The following ERICH1 variants were observed in gnomAD, a reference collection of about 807,000 sequenced individuals.
The protein encoded by ERICH1 is glutamate rich 1.
In ERICH1, 56 loss-of-function variants were observed where a neutral mutation model predicts 39.6. The observed-to-expected ratio is 1.41, with a 90% CI of 1.14 to 1.77. The LOEUF (loss-of-function observed/expected upper bound fraction) is 1.77. ERICH1 is among the 40% of genes most tolerant of loss of function. The pLI is 0.00. For missense variants in ERICH1, 826 were observed against 575.4 expected (o/e 1.44, Z -4.45); for synonymous variants, 313 against 223.6 (o/e 1.40, Z -3.57).
At chr8:657,142 G>A (rs536204054) in intron 3 of ERICH1, among the ~76,000 whole-genome samples, 1 of 152,300 alleles carries the variant, frequency 6.6e-6, no homozygotes, top group East Asian at 1.9e-4. Context: ...AACAATAATG[G>A]TGATAGATAC....
Position 681,427 on chromosome 8 carries a change from G to C in ERICH1, c.305-7380C>G, listed in dbSNP as rs1375356779. 2.6e-5 allele frequency among the ~76,000 whole-genome samples: 4 copies of C among 152,254 alleles called. No homozygotes were observed. In the East Asian group the frequency reaches 7.7e-4, roughly 29 times the overall value. ...CAGGGGTCACAATAATTTGGCAACTGAGAGAAAAAGATGTTTATGAATGAC... is the reference window on the plus strand; with the variant it reads ...CAGGGGTCACAATAATTTGGCAACTCAGAGAAAAAGATGTTTATGAATGAC... On this transcript the variant is annotated intron_variant, in intron 3 of 5. Transcript: ENST00000262109.
intron 3 of ERICH1, chr8:626,109 T>G (rs1797584025): frequency 6.6e-6 from 1 of 152,236 alleles, no homozygotes; most frequent in Admixed American, 6.5e-5. Flanking sequence ...GCCTTCTGTG[T>G]TGAATTTTCT....
chr8:650,883 C>G (rs1799861469), intron 3 of ERICH1, among the ~76,000 whole-genome samples: 1 of 152,208 alleles, frequency 6.6e-6, no homozygotes, highest in Admixed American at 6.5e-5. Context: ...AGTGTGTTAT[C>G]CCAGGAGAGC....
At chr8:627,403 C>T (rs185814438) in intron 3 of ERICH1, among the ~76,000 whole-genome samples, 319 of 152,334 alleles carry the variant, frequency 2.1e-3, no homozygotes, top group African/African-American at 7.5e-3. Flanking sequence ...CACATGCCAA[C>T]TTCAACAAAC....
At chr8:695,128 G>A (rs1809850744) in intron 2 of ERICH1, among the ~76,000 whole-genome samples, 2 of 152,032 alleles carry the variant, frequency 1.3e-5, no homozygotes. Context: ...CTTTCTCCCC[G>A]TCAGGTTCCC....
At chr8:623,275 T>C (rs761457211) in intron 3 of ERICH1, among the ~76,000 whole-genome samples, 4 of 152,216 alleles carry the variant, frequency 2.6e-5, no homozygotes, top group Middle Eastern at 6.8e-3. Flanking sequence ...ACCATATGAA[T>C]AAAGTACAAA....
chr8:663,437 G>A (rs538214179), downstream of ERICH1, among the ~76,000 whole-genome samples: 13 of 152,260 alleles, frequency 8.5e-5, no homozygotes, highest in African/African-American at 3.1e-4. Context: ...GAACATCACC[G>A]TCACCAGGCG....
chr8:728,818 G>A (rs1325309618), intron 1 of ERICH1, among the ~76,000 whole-genome samples: 2 of 152,104 alleles, frequency 1.3e-5, no homozygotes, highest in Non-Finnish European at 2.9e-5. Flanking sequence ...TGCTTCAAAG[G>A]CAATACATTC....
intron 1 of ERICH1, among the ~76,000 whole-genome samples, chr8:726,664 C>A (rs1052322928): frequency 6.6e-6 from 1 of 151,214 alleles, no homozygotes; most frequent in African/African-American, 2.5e-5. Flanking sequence ...AAGTGCCACA[C>A]ACAGACGTGT....
chr8:616,070 G>A (rs912925560), intron 3 of ERICH1: 1 of 161,410 alleles, frequency 6.2e-6, no homozygotes, highest in Non-Finnish European at 1.4e-5. Flanking sequence ...TACACGCCAT[G>A]CCCAGCAATG....
At chr8:672,363 C>A (rs1803628865) in intron 4 of ERICH1, among the ~76,000 whole-genome samples, 1 of 152,192 alleles carries the variant, frequency 6.6e-6, no homozygotes, top group Admixed American at 6.5e-5. Flanking sequence ...GAGGAAGAGG[C>A]TAGAGTGCTC....
intron 2 of ERICH1, among the ~76,000 whole-genome samples, chr8:704,342 C>G (rs1812795577): frequency 6.6e-6 from 1 of 152,140 alleles, no homozygotes; most frequent in African/African-American, 2.4e-5. Flanking sequence ...GGGGGCGGCC[C>G]ATGCTGGGGG....
chr8:657,109 T>G (rs1422768773), intron 3 of ERICH1, among the ~76,000 whole-genome samples: 4 of 152,236 alleles, frequency 2.6e-5, no homozygotes, highest in East Asian at 3.8e-4. Context: ...AAAGGTTGGT[T>G]GCAATGTGGA....
intron 3 of ERICH1, among the ~76,000 whole-genome samples, chr8:680,827 C>T (rs1333707054): frequency 1.3e-5 from 2 of 152,222 alleles, no homozygotes; most frequent in Non-Finnish European, 2.9e-5. Context: ...CGCCCCGCTG[C>T]CCCAGTTCCA....
At chr8:654,825 G>A (rs148632972) in intron 3 of ERICH1, among the ~76,000 whole-genome samples, 22 of 152,218 alleles carry the variant, frequency 1.4e-4, no homozygotes, top group African/African-American at 5.3e-4. Flanking sequence ...ATACACCATG[G>A]GTTTGCCCCA....
At chr8:730,256 A>C (rs1819669148) in intron 1 of ERICH1, among the ~76,000 whole-genome samples, 1 of 152,232 alleles carries the variant, frequency 6.6e-6, no homozygotes, top group Non-Finnish European at 1.5e-5. Context: ...GTGTCCCTGA[A>C]AAGGAAGACT....
chr8:692,919 T>C (rs1398379462), intron 2 of ERICH1, among the ~76,000 whole-genome samples: 1 of 152,230 alleles, frequency 6.6e-6, no homozygotes, highest in African/African-American at 2.4e-5. Context: ...AACTAATTCA[T>C]GAGTATAAAG....
At chr8:623,994 A>G (rs1278591413) in intron 3 of ERICH1, among the ~76,000 whole-genome samples, 1 of 152,246 alleles carries the variant, frequency 6.6e-6, no homozygotes, top group Non-Finnish European at 1.5e-5. Context: ...TGCAAATCAT[A>G]TATCTAATCT....
chr8:709,342 C>A (rs1371891044), intron 2 of ERICH1, among the ~76,000 whole-genome samples: 3 of 152,168 alleles, frequency 2.0e-5, no homozygotes, highest in Admixed American at 1.3e-4. Context: ...ACCGAGGGAA[C>A]CGAAGCAGGG....
Sources: gnomAD v4.1 joint callset for allele counts (sites outside exome capture counted in the v4.1 genomes callset) on GRCh38, gnomAD v4.1.1 for gene constraint, MANE v1.5 for transcripts, NCBI Gene and HGNC (gene_info 2026-07-23, HGNC 2026-07-21) for gene names.